GNA14: variants seen among roughly 807,000 people sequenced by gnomAD.
GNA14 encodes the protein G protein subunit alpha 14, also known as guanine nucleotide-binding protein subunit alpha-14.
GNA14 carries 50 observed loss-of-function variants against 42.0 expected under a neutral mutation model. That is an observed-to-expected ratio of 1.19 (90% CI 0.95 to 1.51). GNA14 has a LOEUF of 1.51. Among genes scored for constraint, GNA14 ranks in the 40% most tolerant of loss-of-function variants. GNA14 has a pLI of 0.00. For missense variants in GNA14, 473 were observed against 446.2 expected, an observed-to-expected ratio of 1.06 and a Z score of -0.54; for synonymous variants, 173 against 163.1, an observed-to-expected ratio of 1.06 and a Z score of -0.46.
At chr9:77,451,848 A>C (rs1041461449) in intron 2 of GNA14, among the ~76,000 whole-genome samples, 3 of 152,226 alleles carry the variant, frequency 2.0e-5, no homozygotes, top group Non-Finnish European at 2.9e-5. Context: ...TCTCAAAGTT[A>C]CACAGACATT....
chr9:77,527,801 T>C (rs1179810988), intron 2 of GNA14, among the ~76,000 whole-genome samples: 5 of 152,152 alleles, frequency 3.3e-5, no homozygotes, highest in East Asian at 1.9e-4. Flanking sequence ...ACCCAGCTAA[T>C]GTTTTGCAAT....
chr9:77,610,889 T>A (rs73462063), intron 1 of GNA14, among the ~76,000 whole-genome samples: 2,135 of 152,328 alleles, frequency 0.014, 59 homozygotes, highest in African/African-American at 0.049. Flanking sequence ...CTCTCTCATT[T>A]GTGTGAAAGG....
At chr9:77,530,027 C>T (rs564597353) in intron 1 of GNA14, among the ~76,000 whole-genome samples, 1 of 152,138 alleles carries the variant, frequency 6.6e-6, no homozygotes, top group Non-Finnish European at 1.5e-5. Context: ...ATATGGCACC[C>T]CTTTACCATG....
intron 1 of GNA14, among the ~76,000 whole-genome samples, chr9:77,533,469 C>T (rs1837556999): frequency 6.6e-6 from 1 of 152,224 alleles, no homozygotes; most frequent in Non-Finnish European, 1.5e-5. Flanking sequence ...CGTGAGCCAC[C>T]ATGGCTGGCC....
chr9:77,551,113 C>A (rs1389061899), intron 1 of GNA14, among the ~76,000 whole-genome samples: 1 of 152,116 alleles, frequency 6.6e-6, no homozygotes, highest in Non-Finnish European at 1.5e-5. Flanking sequence ...ACCTTTTTGG[C>A]AGATTAGCTG....
chr9:77,576,221 G>A (rs952618828), intron 1 of GNA14, among the ~76,000 whole-genome samples: 1 of 152,186 alleles, frequency 6.6e-6, no homozygotes, highest in African/African-American at 2.4e-5. Context: ...TCAGGGAGAA[G>A]AGAAAGACGT....
intron 2 of GNA14, among the ~76,000 whole-genome samples, chr9:77,481,994 T>C (rs964541096): frequency 6.6e-6 from 1 of 152,214 alleles, no homozygotes; most frequent in African/African-American, 2.4e-5. Context: ...GGGTCTTGAC[T>C]CTTTATCCAA....
At chr9:77,536,797 A>C (rs1263736496) in intron 1 of GNA14, among the ~76,000 whole-genome samples, 2 of 152,210 alleles carry the variant, frequency 1.3e-5, no homozygotes, top group African/African-American at 4.8e-5. Flanking sequence ...GATTTGTGAG[A>C]GTACCTCTTA....
intron 1 of GNA14, among the ~76,000 whole-genome samples, chr9:77,602,322 ATTCTT>A (rs1342933277): frequency 1.6e-4 from 25 of 152,204 alleles, no homozygotes; most frequent in African/African-American, 3.9e-4. Context: ...TATAGACTAA[ATTCTT>A]TTCCCAAGAC....
chr9:77,435,255 G>T (rs1023859879), intron 2 of GNA14, among the ~76,000 whole-genome samples: 6 of 152,016 alleles, frequency 3.9e-5, no homozygotes, highest in African/African-American at 1.4e-4. Context: ...TACTCAGGAG[G>T]CTGAGGCAGG....
intron 2 of GNA14, among the ~76,000 whole-genome samples, chr9:77,505,647 T>G (rs894616649): frequency 6.6e-6 from 1 of 152,288 alleles, no homozygotes; most frequent in East Asian, 1.9e-4. Context: ...TGTTTGCTAG[T>G]CAGAAATTTC....
chr9:77,529,471 C>T (rs1227544744), intron 1 of GNA14, among the ~76,000 whole-genome samples: 3 of 152,128 alleles, frequency 2.0e-5, no homozygotes, highest in African/African-American at 4.8e-5. Flanking sequence ...GAAATGCTTC[C>T]CCACATCCTT....
chr9:77,559,350 G>A (rs1822843245), intron 1 of GNA14, among the ~76,000 whole-genome samples: 1 of 152,142 alleles, frequency 6.6e-6, no homozygotes, highest in African/African-American at 2.4e-5. Flanking sequence ...GCCAAATATG[G>A]GGAAGCTCAG....
At chr9:77,575,862 A>C (rs1049571331) in intron 1 of GNA14, among the ~76,000 whole-genome samples, 2 of 152,250 alleles carry the variant, frequency 1.3e-5, no homozygotes, top group African/African-American at 4.8e-5. Flanking sequence ...TGATTTTAAC[A>C]AGAAGACAAG....
chr9:77,535,802 TGGGGCCCTTCAAAG>T (rs2131773119), intron 1 of GNA14, among the ~76,000 whole-genome samples: 1 of 152,116 alleles, frequency 6.6e-6, no homozygotes, highest in African/African-American at 2.4e-5. Context: ...AACACTTCTC[TGGGGCCCTTCAAAG>T]GGGAACCTGT....
rs79054257 is a variant in GNA14 at position 77,643,026 on chromosome 9, T to G, written c.124+4644A>C. On this transcript the variant is annotated intron_variant, in intron 1 of 6. Transcript: ENST00000341700. ...GGCTCCCCCTTTACGCTCTGCCTGT[T>G]CTACCTCTTAATCTCTGTTAAGCTT... 2.0e-3 allele frequency among the ~76,000 whole-genome samples: 308 copies of G among 152,298 alleles called. 2 individuals are homozygous for G. The highest frequency in any genetic ancestry group is 6.8e-3 in the African/African-American group (281 of 41,566).
intron 2 of GNA14, among the ~76,000 whole-genome samples, chr9:77,523,827 T>C (rs1276028256): frequency 2.6e-5 from 4 of 152,164 alleles, no homozygotes; most frequent in Admixed American, 2.6e-4. Context: ...AGGGCTGACC[T>C]TTGCCCTTGG....
intron 1 of GNA14, among the ~76,000 whole-genome samples, chr9:77,593,334 C>CATTTTTTTTT: frequency 7.0e-6 from 1 of 142,966 alleles, no homozygotes; most frequent in African/African-American, 2.7e-5. Flanking sequence ...CCTAACATTC[C>CATTTTTTTTT]TTTTTTTTTT....
At chr9:77,614,747 G>A (rs1030711029) in intron 1 of GNA14, among the ~76,000 whole-genome samples, 3 of 152,086 alleles carry the variant, frequency 2.0e-5, no homozygotes, top group Non-Finnish European at 4.4e-5. Flanking sequence ...CTTCAGCTGT[G>A]TATTATATTA....
Sources: allele counts gnomAD v4.1 joint callset (sites outside exome capture counted in the v4.1 genomes callset), GRCh38; gene constraint gnomAD v4.1.1; transcripts MANE v1.5; gene names NCBI Gene and HGNC (gene_info 2026-07-23, HGNC 2026-07-21).